NAALADL2: variants seen among roughly 807,000 people sequenced by gnomAD.
NAALADL2 encodes inactive N-acetylated-alpha-linked acidic dipeptidase-like protein 2.
In NAALADL2, 76 loss-of-function variants were observed where a neutral mutation model predicts 87.2. That is an observed-to-expected ratio of 0.87 (90% CI 0.72 to 1.05). The LOEUF is 1.05. NAALADL2 is among the 50% of genes least tolerant of loss of function. The pLI is 0.00. For missense variants in NAALADL2, 1,089 were observed against 945.8 expected (o/e 1.15, Z -1.99); for synonymous variants, 354 against 331.0 (o/e 1.07, Z -0.75).
In NAALADL2 at chr3:174,792,168, C is replaced by T. The variant is rs533132232; in HGVS notation, c.-9+54422C>T. Among the ~76,000 whole-genome samples, 551 of 152,112 alleles carry T rather than the reference C, an allele frequency of 3.6e-3. 1 individual carries two copies. The highest frequency in any genetic ancestry group is 5.4e-3 in the Non-Finnish European group (368 of 67,998). On this transcript the variant is annotated intron_variant, in intron 3 of 3. Coordinates refer to the NAALADL2 transcript ENST00000434257. ...CCCAGGAGGCAGAGGTTGCAGTGAACTGAGATCATGCCACTGTACTCCAGC... is the reference window on the plus strand; with the variant it reads ...CCCAGGAGGCAGAGGTTGCAGTGAATTGAGATCATGCCACTGTACTCCAGC...
chr3:175,720,190 A>G (rs1484449912), intron 11 of NAALADL2, among the ~76,000 whole-genome samples: 3 of 152,192 alleles, frequency 2.0e-5, no homozygotes, highest in African/African-American at 7.2e-5. Context: ...AAGTATACAC[A>G]ACAATCCATC....
intron 9 of NAALADL2, among the ~76,000 whole-genome samples, chr3:175,513,413 C>A (rs537408771): frequency 6.6e-6 from 1 of 152,194 alleles, no homozygotes; most frequent in East Asian, 1.9e-4. Flanking sequence ...CTCTGCAGAG[C>A]AGCATAAAAG....
At chr3:175,205,828 C>CA (rs111857461) in intron 2 of NAALADL2, among the ~76,000 whole-genome samples, 14,846 of 143,804 alleles carry the variant, frequency 0.1, 805 homozygotes, top group East Asian at 0.16. Flanking sequence ...TACAAATGGC[C>CA]AAAAAAAAAA....
chr3:174,944,514 G>A (rs1373775816), intron 1 of NAALADL2, among the ~76,000 whole-genome samples: 2 of 152,160 alleles, frequency 1.3e-5, no homozygotes, highest in African/African-American at 2.4e-5. Flanking sequence ...TATCCTGTGA[G>A]GTGCCATGGA....
chr3:174,493,791 T>C (rs1718355825), intron 1 of NAALADL2, among the ~76,000 whole-genome samples: 1 of 152,228 alleles, frequency 6.6e-6, no homozygotes, highest in African/African-American at 2.4e-5. Context: ...TATTAAGTAT[T>C]TTGTTAGGTG....
chr3:174,987,248 T>C (rs1375470989), intron 1 of NAALADL2, among the ~76,000 whole-genome samples: 2 of 152,152 alleles, frequency 1.3e-5, no homozygotes, highest in African/African-American at 2.4e-5. Flanking sequence ...AGAATTCTTG[T>C]AAAATACCTA....
At chr3:175,381,370 A>G (rs1413427962) in intron 5 of NAALADL2, among the ~76,000 whole-genome samples, 1 of 151,722 alleles carries the variant, frequency 6.6e-6, no homozygotes, top group Non-Finnish European at 1.5e-5. Context: ...GATTAGTTAC[A>G]GATCAATTTT....
At chr3:174,650,506 A>G (rs1040096712) in intron 2 of NAALADL2, among the ~76,000 whole-genome samples, 3 of 152,130 alleles carry the variant, frequency 2.0e-5, no homozygotes, top group African/African-American at 4.8e-5. Flanking sequence ...GTCAACGTCT[A>G]TTTACAACTA....
intron 2 of NAALADL2, among the ~76,000 whole-genome samples, chr3:175,155,362 C>A (rs531684809): frequency 3.3e-4 from 50 of 152,252 alleles, no homozygotes; most frequent in African/African-American, 1.2e-3. Context: ...CCAGGTGTAA[C>A]TTGTTTGCCT....
intron 5 of NAALADL2, among the ~76,000 whole-genome samples, chr3:175,359,801 AGAT>A (rs1180072445): frequency 1.3e-5 from 2 of 152,280 alleles, no homozygotes; most frequent in Admixed American, 6.6e-5. Context: ...TTGAATTAAT[AGAT>A]GTACATAGTT....
chr3:175,733,349 A>T (rs1744048457), intron 11 of NAALADL2, among the ~76,000 whole-genome samples: 2 of 152,166 alleles, frequency 1.3e-5, no homozygotes, highest in African/African-American at 2.4e-5. Flanking sequence ...GTTACATCTT[A>T]CGTGGTTGGT....
At chr3:175,613,049 G>A (rs1257109271) in intron 10 of NAALADL2, among the ~76,000 whole-genome samples, 2 of 152,072 alleles carry the variant, frequency 1.3e-5, no homozygotes, top group Non-Finnish European at 2.9e-5. Flanking sequence ...ACTTTGGCGT[G>A]TCTTTCCCTC....
At chr3:174,882,919 A>G (rs1373806737) in intron 1 of NAALADL2, among the ~76,000 whole-genome samples, 1 of 150,914 alleles carries the variant, frequency 6.6e-6, no homozygotes, top group Admixed American at 6.6e-5. Context: ...ATATGTTTGT[A>G]TATATATGTA....
intron 1 of NAALADL2, among the ~76,000 whole-genome samples, chr3:175,085,685 G>A (rs997030497): frequency 5.3e-5 from 8 of 152,124 alleles, no homozygotes; most frequent in Admixed American, 4.6e-4. Context: ...AGCACTTTGG[G>A]AGGCCTAGCA....
intron 11 of NAALADL2, among the ~76,000 whole-genome samples, chr3:175,658,755 T>A (rs768194734): frequency 6.6e-6 from 1 of 152,206 alleles, no homozygotes; most frequent in Non-Finnish European, 1.5e-5. Flanking sequence ...GAAGGTTCAT[T>A]GTAATTTGAA....
intron 4 of NAALADL2, among the ~76,000 whole-genome samples, chr3:175,313,832 A>T (rs1758691746): frequency 6.6e-6 from 1 of 152,116 alleles, no homozygotes; most frequent in Non-Finnish European, 1.5e-5. Context: ...TGGGAGGCCT[A>T]GGCAGGTGGA....
intron 3 of NAALADL2, among the ~76,000 whole-genome samples, chr3:174,837,626 T>G (rs1286504106): frequency 6.6e-6 from 1 of 152,018 alleles, no homozygotes; most frequent in Non-Finnish European, 1.5e-5. Context: ...AAACCCCATC[T>G]CTACTAAAAA....
intron 2 of NAALADL2, among the ~76,000 whole-genome samples, chr3:174,637,401 A>T (rs769335337): frequency 1.3e-5 from 2 of 152,126 alleles, no homozygotes; most frequent in Non-Finnish European, 2.9e-5. Context: ...ATGAATACTT[A>T]TGCATTTGAT....
chr3:174,628,062 A>T (rs927770891), intron 2 of NAALADL2, among the ~76,000 whole-genome samples: 50 of 152,222 alleles, frequency 3.3e-4, no homozygotes, highest in African/African-American at 1.1e-3. Flanking sequence ...ATGTAACACA[A>T]GTGTATTTGT....
Sources: allele counts gnomAD v4.1 joint callset (sites outside exome capture counted in the v4.1 genomes callset), GRCh38; gene constraint gnomAD v4.1.1; transcripts MANE v1.5; gene names NCBI Gene and HGNC (gene_info 2026-07-23, HGNC 2026-07-21).